Variants in NEURL1B observed in about 807,000 individuals in gnomAD.
The protein encoded by NEURL1B is E3 ubiquitin-protein ligase NEURL1B.
Under a neutral mutation model 37.4 loss-of-function variants are expected in NEURL1B, and 13 were observed. That is an observed-to-expected ratio of 0.35 (90% CI 0.23 to 0.55). The LOEUF is 0.55. Among genes scored for constraint, NEURL1B ranks in the 20% least tolerant of loss-of-function variants. NEURL1B has a pLI of 0.89. For synonymous variants in NEURL1B, 432 were observed against 426.6 expected, an observed-to-expected ratio of 1.01 and a Z score of -0.16; for missense variants, 790 against 879.2, an observed-to-expected ratio of 0.90 and a Z score of 1.28.
chr5:172,691,540 A>AAT (rs397809537), downstream of NEURL1B: 3 of 151,852 alleles, frequency 2.0e-5, no homozygotes, highest in African/African-American at 7.3e-5. Flanking sequence ...AAAAAAAAAA[A>AAT]GTCTTCAGAA....
intron 1 of NEURL1B, among the ~76,000 whole-genome samples, chr5:172,650,123 A>T (rs1253767976): frequency 6.6e-6 from 1 of 152,204 alleles, no homozygotes; most frequent in Non-Finnish European, 1.5e-5. Flanking sequence ...TCACAATTGC[A>T]TCCCTCAGGC....
chr5:172,665,929 G>A lies in NEURL1B; in HGVS notation c.32-3856G>A, dbSNP rs1300783134. Among the ~76,000 whole-genome samples, 2 of 152,302 alleles carry A rather than the reference G, an allele frequency of 1.3e-5. No homozygotes were observed. The highest frequency in any genetic ancestry group is 2.1e-4 in the South Asian group (1 of 4,828). Reference sequence around the variant, plus strand: ...GACCTGGAGAGACTCAGATCTCCACGAAGGCAGGATGTGTGTGATCTGCAG... The same window carrying A: ...GACCTGGAGAGACTCAGATCTCCACAAAGGCAGGATGTGTGTGATCTGCAG... On this transcript the variant is annotated intron_variant, in intron 1 of 4. Coordinates refer to ENST00000369800, the MANE Select transcript of NEURL1B (RefSeq NM_001142651.3). This position sits in a 1 kb window ranked among gnomAD's most constrained non-coding sequence, Gnocchi z 4.1.
intron 1 of NEURL1B, among the ~76,000 whole-genome samples, chr5:172,656,164 G>A (rs1212372405): frequency 6.6e-6 from 1 of 152,108 alleles, no homozygotes; most frequent in Non-Finnish European, 1.5e-5. Flanking sequence ...CGGGGTGAGT[G>A]CTTTGGCGGG....
At position 172,676,933 on chromosome 5, in the gene NEURL1B, T is replaced by C. The variant is rs562694044; in HGVS notation, c.578-6486T>C. The stretch of plus-strand genomic sequence containing the variant: ...AGTGTGTGATAAAGACCTGAACTTA[T>C]GGAGTTAAATGCAGGGTTCGGAGGT... On this transcript the variant is annotated intron_variant, in intron 2 of 4. Transcript: ENST00000369800. The surrounding 1 kb of genome is among the most constrained non-coding windows in gnomAD (Gnocchi z 4.5). Among the ~76,000 whole-genome samples the C allele has an allele frequency of 6.6e-6, 1 of 152,326 alleles. No homozygotes were observed. The highest frequency in any genetic ancestry group is 1.5e-5 in the Non-Finnish European group (1 of 68,026).
rs940798682 is a variant in NEURL1B at position 172,675,015 on chromosome 5, G to A, written c.577+4685G>A. Among the ~76,000 whole-genome samples the A allele has an allele frequency of 2.0e-5, 3 of 151,996 alleles. No individual in the cohort carries two copies. The highest frequency in any genetic ancestry group is 6.6e-5 in the Admixed American group (1 of 15,260). On this transcript the variant is annotated intron_variant, in intron 2 of 4. Coordinates refer to ENST00000369800, the MANE Select transcript of NEURL1B (RefSeq NM_001142651.3). The surrounding 1 kb of genome is among the most constrained non-coding windows in gnomAD (Gnocchi z 4.7). ...CTCCCAAGTAGCTGGGATGACAGGC[G>A]CCTGCCACCACGCCCGGCTAATTTT...
rs1285950642 is a variant in NEURL1B at position 172,684,017 on chromosome 5, C to T, written c.1176C>T (p.Gly392=). The T allele has an allele frequency of 1.5e-6, 2 of 1,336,864 alleles. No homozygotes were observed. The highest frequency in any genetic ancestry group is 3.1e-5 in the African/African-American group (2 of 64,716). The allele number at this position is 1,336,864 out of a possible 1,614,324, so 82.8% of individuals were successfully genotyped here. A position where few individuals can be genotyped will look rare whatever the true frequency, so the allele number is the denominator to read the frequency against. ...DALSFTLRPG[G]DVLLGINGRP... is the part of the protein sequence containing the mutation. Reference sequence around the variant, plus strand: ...TCAGCTTCACGCTGCGGCCCGGCGGCGACGTGCTCCTGGGCATCAACGGGC... The same window carrying T: ...TCAGCTTCACGCTGCGGCCCGGCGGTGACGTGCTCCTGGGCATCAACGGGC... Residue 392 remains glycine, a synonymous_variant, in exon 3 of 5, where the codon GGC becomes GGT. Transcript: ENST00000369800.
At chr5:172,660,139 C>T (rs1039279751) in intron 1 of NEURL1B, among the ~76,000 whole-genome samples, 3 of 152,188 alleles carry the variant, frequency 2.0e-5, no homozygotes, top group Non-Finnish European at 4.4e-5. Flanking sequence ...ACATTCCCCC[C>T]ACCTCTCACT....
At chr5:172,646,796 A>C (rs1003022814) in intron 1 of NEURL1B, among the ~76,000 whole-genome samples, 1 of 152,038 alleles carries the variant, frequency 6.6e-6, no homozygotes, top group Non-Finnish European at 1.5e-5. Context: ...GACATCAGCT[A>C]GGAGAAGGGA....
chr5:172,641,965 C>G lies in NEURL1B; in HGVS notation c.31+528C>G, dbSNP rs1354658175. Among the ~76,000 whole-genome samples the G allele has an allele frequency of 1.3e-5, 2 of 152,206 alleles. No homozygotes were observed. The highest frequency in any genetic ancestry group is 2.9e-5 in the Non-Finnish European group (2 of 68,040). On this transcript the variant is annotated intron_variant, in intron 1 of 4. Coordinates refer to ENST00000369800, the MANE Select transcript of NEURL1B (RefSeq NM_001142651.3). The surrounding 1 kb of genome is among the most constrained non-coding windows in gnomAD (Gnocchi z 6.4). ...CCCACGCGCACCCCGGTTGCGCCCC[C>G]CTCTGGTGTCCGCTCCACTGGGGAC...
At chr5:172,685,658 G>C (rs975168831) in intron 3 of NEURL1B, among the ~76,000 whole-genome samples, 1 of 152,226 alleles carries the variant, frequency 6.6e-6, no homozygotes, top group African/African-American at 2.4e-5. Context: ...GATATCAGCA[G>C]GATCCTACCT....
rs1758414423 is a variant in NEURL1B, at chr5:172,683,676, G to C, written c.835G>C (p.Asp279His). The part of the protein sequence containing the change: ...PASSPALLEA[D>H]LRFHATRGPD... ...GTCGTCGCCGGCGCTACTGGAGGCC[G>C]ACCTGCGCTTCCACGCAACACGCGG... is the stretch of plus-strand genomic sequence containing the variant. The change falls in exon 3 of 5, where the codon GAC (aspartate) becomes CAC (histidine). Residue 279 changes from aspartate to histidine, a missense_variant. Around this residue, in one of 3 missense-constraint regions of NEURL1B, gnomAD observed 460 missense variants for 407.4 expected, o/e 1.13. Coordinates refer to ENST00000369800, the MANE Select transcript of NEURL1B (RefSeq NM_001142651.3). The surrounding 1 kb of genome is among the most constrained non-coding windows in gnomAD (Gnocchi z 5.6). 1 of 1,328,820 alleles carries C rather than the reference G, an allele frequency of 7.5e-7. No homozygotes were observed. Among genetic ancestry groups the C allele is most frequent in the South Asian group, 1.5e-5 (1 of 66,226 alleles). The allele number at this position is 1,328,820 out of a possible 1,614,324, so 82.3% of individuals were successfully genotyped here. A position where few individuals can be genotyped will look rare whatever the true frequency, so the allele number is the denominator to read the frequency against.
chr5:172,683,275 G>A lies in NEURL1B; in HGVS notation c.578-144G>A, dbSNP rs923944180. 3.1e-5 allele frequency: 28 copies of A among 891,286 alleles called. No individual in the cohort carries two copies. The highest frequency in any genetic ancestry group is 4.0e-5 in the Non-Finnish European group (27 of 676,504). 55.2% of individuals were successfully genotyped at this position (891,286 alleles called of 1,614,324 possible). On this transcript the variant is annotated intron_variant, in intron 2 of 4. Transcript: ENST00000369800. The surrounding 1 kb of genome is among the most constrained non-coding windows in gnomAD (Gnocchi z 5.6). ...TAAATAACACAGATGGACAAAAGGAGAGTTCGAAGCCGGGGTGGGGTGGGG... is the reference window on the plus strand; with the variant it reads ...TAAATAACACAGATGGACAAAAGGAAAGTTCGAAGCCGGGGTGGGGTGGGG...
In NEURL1B at chr5:172,686,232, C is replaced by T. The variant is rs747829; in HGVS notation, c.1359C>T (p.Asp453=). The change falls in exon 4 of 5, where the codon GAC becomes GAT. Residue 453 remains aspartate, a synonymous_variant. Transcript: ENST00000369800. The surrounding 1 kb of genome is among the most constrained non-coding windows in gnomAD (Gnocchi z 7.9). ...TPSGSLSGSQ[D]DSDSDMTFSV... ...CAGGGTCCCTCAGCGGCTCCCAGGA[C>T]GATAGTGATTCAGATATGACCTTCA... 0.099 allele frequency: 153,792 copies of T among 1,551,322 alleles called. 8,161 individuals are homozygous for T. Among genetic ancestry groups the T allele is most frequent in the South Asian group, 0.13 (10,672 of 84,032 alleles).
chr5:172,683,350 G>C lies in NEURL1B; in HGVS notation c.578-69G>C, dbSNP rs1247293959. On this transcript the variant is annotated intron_variant, in intron 2 of 4. Coordinates refer to ENST00000369800, the MANE Select transcript of NEURL1B (RefSeq NM_001142651.3). This position sits in a 1 kb window ranked among gnomAD's most constrained non-coding sequence, Gnocchi z 5.6. ...TGGAGGCCTGCAGGAGGCAGCGGGC[G>C]AGGAGGGGCTCGCGACCAGCCTGAC... The C allele has an allele frequency of 3.2e-6, 4 of 1,261,910 alleles. No individual in the cohort carries two copies. The highest frequency in any genetic ancestry group is 8.2e-5 in the Admixed American group (2 of 24,298). The allele number at this position is 1,261,910 out of a possible 1,614,324, so 78.2% of individuals were successfully genotyped here. A position where few individuals can be genotyped will look rare whatever the true frequency, so the allele number is the denominator to read the frequency against.
At position 172,683,703 on chromosome 5, in the gene NEURL1B, C is replaced by T; in HGVS notation, c.862C>T (p.Pro288Ser). Residue 288 changes from proline (P) to serine (S), a missense_variant, in exon 3 of 5, where the codon CCC becomes TCC. Coordinates refer to ENST00000369800, the MANE Select transcript of NEURL1B (RefSeq NM_001142651.3). This position sits in a 1 kb window ranked among gnomAD's most constrained non-coding sequence, Gnocchi z 5.6. ...CCTGCGCTTCCACGCAACACGCGGG[C>T]CCGACGTGAGCCTGTCGGCCGACCG... is the stretch of plus-strand genomic sequence containing the variant. ...ADLRFHATRG[P>S]DVSLSADRKV... 4.4e-6 allele frequency: 6 copies of T among 1,359,296 alleles called. No individual in the cohort carries two copies. Among genetic ancestry groups the T allele is most frequent in the Non-Finnish European group, 5.7e-6 (6 of 1,048,376 alleles). 84.2% of individuals were successfully genotyped at this position (1,359,296 alleles called of 1,614,324 possible).
intron 3 of NEURL1B, among the ~76,000 whole-genome samples, chr5:172,685,834 T>A (rs1758481471): frequency 6.6e-6 from 1 of 152,190 alleles, no homozygotes; most frequent in African/African-American, 2.4e-5. Context: ...GTCTCGGGCC[T>A]TACGGGGGTT....
Position 172,670,135 on chromosome 5 carries a change from T to G in NEURL1B, c.382T>G (p.Tyr128Asp). 6.6e-7 allele frequency: 1 copy of G among 1,513,576 alleles called. No homozygotes were observed. The highest frequency in any genetic ancestry group is 8.8e-7 in the Non-Finnish European group (1 of 1,137,428). The allele number at this position is 1,513,576 out of a possible 1,614,324, so 93.8% of individuals were successfully genotyped here. ...ACPDLVTRPG[Y>D]WAKALPENLA... ...CCCGGACCTGGTCACGCGGCCGGGC[T>G]ACTGGGCCAAGGCACTGCCCGAGAA... Residue 128 changes from tyrosine to aspartate, a missense_variant, in exon 2 of 5, where the codon TAC becomes GAC. Physicochemically the swap from Tyr to Asp is radical, Grantham distance 160. Around this residue, in one of 3 missense-constraint regions of NEURL1B, gnomAD observed 215 missense variants for 309.2 expected, o/e 0.70. Coordinates refer to ENST00000369800, the MANE Select transcript of NEURL1B (RefSeq NM_001142651.3).
Position 172,647,677 on chromosome 5 carries a change from C to G in NEURL1B, c.31+6240C>G, listed in dbSNP as rs7725647. ...GATGAATTACTTCTGTCCACAGCCGCCAAAATGAAGCTGTGCCTAGAGAAG... is the reference window on the plus strand; with the variant it reads ...GATGAATTACTTCTGTCCACAGCCGGCAAAATGAAGCTGTGCCTAGAGAAG... On this transcript the variant is annotated intron_variant, in intron 1 of 4. Coordinates refer to ENST00000369800, the MANE Select transcript of NEURL1B (RefSeq NM_001142651.3). This position sits in a 1 kb window ranked among gnomAD's most constrained non-coding sequence, Gnocchi z 4.2. Among the ~76,000 whole-genome samples the G allele has an allele frequency of 0.14, 21,933 of 152,086 alleles. 1,998 individuals are homozygous for G. The highest frequency in any genetic ancestry group is 0.24 in the Admixed American group (3,607 of 15,290).
chr5:172,644,927 C>T (rs538597588), intron 1 of NEURL1B, among the ~76,000 whole-genome samples: 39 of 152,264 alleles, frequency 2.6e-4, no homozygotes, highest in South Asian at 1.0e-3. Flanking sequence ...CAGCACATTC[C>T]AATCCCTTCC....
Sources: gnomAD v4.1 joint callset for allele counts (sites outside exome capture counted in the v4.1 genomes callset) on GRCh38, gnomAD v4.1.1 for gene constraint, gnomAD v4.1.1 regional missense constraint, Gnocchi (gnomAD v3.1) non-coding constraint, MANE v1.5 for transcripts, NCBI Gene and HGNC (gene_info 2026-07-23, HGNC 2026-07-21) for gene names.